Variants in NSUN6 observed in about 807,000 individuals in gnomAD.
NSUN6 encodes NOP2/Sun RNA methyltransferase 6, also known as tRNA (cytosine(72)-C(5))-methyltransferase NSUN6.
A neutral mutation model predicts 58.0 loss-of-function variants in NSUN6; 64 were observed. That is an observed-to-expected ratio of 1.10 (90% CI 0.90 to 1.36). NSUN6 has a LOEUF of 1.36. Among genes scored for constraint, NSUN6 ranks in the 40% most tolerant of loss-of-function variants. The pLI is 0.00. For missense variants in NSUN6, 701 were observed against 550.1 expected (o/e 1.27, Z -2.74); for synonymous variants, 231 against 193.9 (o/e 1.19, Z -1.59).
In NSUN6 at chr10:18,567,776, C is replaced by G. The variant is rs573454556; in HGVS notation, c.923-15805G>C. ...CCTTTCTCCATTTCATTCCATTCTC[C>G]ATTCCATTGCATTCTACATTCTTCA... On this transcript the variant is annotated intron_variant, in intron 8 of 10. Transcript: ENST00000377304. 2.3e-4 allele frequency among the ~76,000 whole-genome samples: 35 copies of G among 151,410 alleles called. 1 individual carries two copies. In the East Asian group the frequency reaches 3.9e-3, roughly 17 times the overall value.
At chr10:18,563,751 A>T (rs923763928) in intron 8 of NSUN6, among the ~76,000 whole-genome samples, 35 of 148,740 alleles carry the variant, frequency 2.4e-4, no homozygotes, top group African/African-American at 8.7e-4. Context: ...TCCATTCTCC[A>T]TACCATTCCA....
intron 8 of NSUN6, among the ~76,000 whole-genome samples, chr10:18,557,100 T>C (rs563054155): frequency 3.4e-5 from 5 of 149,106 alleles, no homozygotes; most frequent in African/African-American, 7.4e-5. Flanking sequence ...AAATGGAGAA[T>C]AGTGTGCAGA....
chr10:18,641,804 C>T (rs1277561302), intron 3 of NSUN6, among the ~76,000 whole-genome samples: 1 of 152,146 alleles, frequency 6.6e-6, no homozygotes, highest in East Asian at 1.9e-4. Flanking sequence ...CAACGTGGCT[C>T]ACATCAGTAA....
At chr10:18,608,643 A>AG (rs1183139847) in intron 6 of NSUN6, among the ~76,000 whole-genome samples, 1 of 151,708 alleles carries the variant, frequency 6.6e-6, no homozygotes, top group African/African-American at 2.4e-5. Context: ...TGTCTCAAAA[A>AG]AAAAAAAAAA....
intron 8 of NSUN6, among the ~76,000 whole-genome samples, chr10:18,566,724 TCATTCCATTCCATGCTC>T (rs1325262122): frequency 1.3e-5 from 2 of 149,632 alleles, no homozygotes; most frequent in African/African-American, 4.9e-5. Flanking sequence ...ATTCTCCATT[TCATTCCATTCCATGCTC>T]CATTCCATTC....
chr10:18,602,623 G>A (rs2131268813), intron 6 of NSUN6, among the ~76,000 whole-genome samples: 1 of 152,256 alleles, frequency 6.6e-6, no homozygotes, highest in African/African-American at 2.4e-5. Flanking sequence ...ACCTGCCTTG[G>A]CCTCCCAAAG....
chr10:18,562,845 G>C (rs1473816407), intron 8 of NSUN6, among the ~76,000 whole-genome samples: 1 of 150,508 alleles, frequency 6.6e-6, no homozygotes, highest in Admixed American at 6.7e-5. Context: ...ATGGAGCGTG[G>C]AATGGAGATT....
intron 5 of NSUN6, among the ~76,000 whole-genome samples, chr10:18,610,265 T>C (rs2058185227): frequency 6.6e-6 from 1 of 152,028 alleles, no homozygotes; most frequent in Admixed American, 6.6e-5. Flanking sequence ...GGAGAATCAC[T>C]TGAACCTGGG....
intron 7 of NSUN6, among the ~76,000 whole-genome samples, chr10:18,592,955 T>C (rs933946672): frequency 7.9e-5 from 12 of 152,124 alleles, no homozygotes; most frequent in Admixed American, 5.2e-4. Context: ...TTTTGCAATC[T>C]ACCCATCTGA....
intron 2 of NSUN6, among the ~76,000 whole-genome samples, chr10:18,647,122 C>A (rs1326770581): frequency 6.6e-6 from 1 of 152,156 alleles, no homozygotes; most frequent in South Asian, 2.1e-4. Context: ...TGTCTATTCA[C>A]AACTTGGTAC....
intron 8 of NSUN6, among the ~76,000 whole-genome samples, chr10:18,563,165 AATGGAATGGAATGGAGAATGGT>A (rs1222525756): frequency 0.18 from 25,425 of 141,990 alleles, 2,898 homozygotes; most frequent in South Asian, 0.26. Context: ...CAAAATGGAG[AATGGAATGGAATGGAGAATGGT>A]ATGGAATGGA....
upstream of NSUN6, among the ~76,000 whole-genome samples, chr10:18,657,471 A>G (rs1009513288): frequency 6.6e-6 from 1 of 152,220 alleles, no homozygotes; most frequent in Non-Finnish European, 1.5e-5. Context: ...AAAAATATCA[A>G]GAGCCATGTT....
At chr10:18,647,084 C>G (rs1013862881) in intron 2 of NSUN6, among the ~76,000 whole-genome samples, 2 of 152,022 alleles carry the variant, frequency 1.3e-5, no homozygotes, top group Non-Finnish European at 2.9e-5. Context: ...CACTGAGATG[C>G]CATAGCTGGT....
intron 3 of NSUN6, among the ~76,000 whole-genome samples, chr10:18,631,483 A>G (rs2059028720): frequency 2.3e-5 from 3 of 130,626 alleles, no homozygotes; most frequent in African/African-American, 8.7e-5. Context: ...TGCAGATGAC[A>G]TGATTGTATA....
At chr10:18,563,021 G>C (rs1279298569) in intron 8 of NSUN6, among the ~76,000 whole-genome samples, 1 of 150,746 alleles carries the variant, frequency 6.6e-6, no homozygotes, top group East Asian at 2.0e-4. Context: ...GAATGGAATG[G>C]AGAATGGAAT....
chr10:18,644,585 C>G (rs2059485884), intron 2 of NSUN6, among the ~76,000 whole-genome samples: 1 of 151,596 alleles, frequency 6.6e-6, no homozygotes, highest in Non-Finnish European at 1.5e-5. Context: ...GCCTGTAATC[C>G]CAGCACTTTG....
intron 3 of NSUN6, among the ~76,000 whole-genome samples, chr10:18,636,679 G>C (rs932525321): frequency 4.6e-5 from 7 of 151,618 alleles, no homozygotes; most frequent in African/African-American, 1.7e-4. Flanking sequence ...AGATCACAAG[G>C]TCAGGAGTTC....
chr10:18,546,070 C>G lies in NSUN6; in HGVS notation c.1273G>C (p.Asp425His). Residue 425 changes from aspartate to histidine, a missense_variant, in exon 11 of 11, where the codon GAT (aspartate) becomes CAT (histidine). Coordinates refer to ENST00000377304, the MANE Select transcript of NSUN6 (RefSeq NM_182543.5). ...CEQLKQLQRFDPSAVPLPDTD... is the reference protein window; with the variant it reads ...CEQLKQLQRFHPSAVPLPDTD... Reference sequence around the variant, plus strand: ...TCCGGTAATGGCACAGCCGATGGATCAAATCGCTGCAGCTGTTTCAACTGT... The same window carrying G: ...TCCGGTAATGGCACAGCCGATGGATGAAATCGCTGCAGCTGTTTCAACTGT... 1 of 1,608,678 alleles carries G rather than the reference C, an allele frequency of 6.2e-7. No individual in the cohort carries two copies. Among genetic ancestry groups the G allele is most frequent in the Non-Finnish European group, 8.5e-7 (1 of 1,177,838 alleles).
intron 8 of NSUN6, among the ~76,000 whole-genome samples, chr10:18,559,296 G>A (rs1465658059): frequency 6.6e-6 from 1 of 151,212 alleles, no homozygotes; most frequent in Admixed American, 6.6e-5. Flanking sequence ...GAATGGAATG[G>A]AGAATGGAAT....
Sources: allele counts gnomAD v4.1 joint callset (sites outside exome capture counted in the v4.1 genomes callset), GRCh38; gene constraint gnomAD v4.1.1; transcripts MANE v1.5; gene names NCBI Gene and HGNC (gene_info 2026-07-23, HGNC 2026-07-21).